The following ERC2 variants were observed in gnomAD, a reference collection of about 807,000 sequenced individuals.
ERC2 encodes the protein ERC protein 2.
A neutral mutation model predicts 114.8 loss-of-function variants in ERC2; 42 were observed. That is an observed-to-expected ratio of 0.37 (90% CI 0.29 to 0.47). The LOEUF is 0.47. Among genes scored for constraint, ERC2 ranks in the 20% least tolerant of loss-of-function variants. The pLI, the probability that ERC2 is intolerant of heterozygous loss-of-function variation, is 0.99. For missense variants in ERC2, 939 were observed against 1,150.7 expected (o/e 0.82, Z 2.66); for synonymous variants, 454 against 425.5 (o/e 1.07, Z -0.82).
intron 17 of ERC2, among the ~76,000 whole-genome samples, chr3:55,533,625 T>G (rs575210464): frequency 1.8e-4 from 28 of 152,112 alleles, no homozygotes; most frequent in Middle Eastern, 3.4e-3. Context: ...GTGAGGGCAG[T>G]GGGTAGGAGA....
intron 6 of ERC2, among the ~76,000 whole-genome samples, chr3:56,093,603 A>G (rs1173558871): frequency 6.6e-6 from 1 of 152,202 alleles, no homozygotes; most frequent in Non-Finnish European, 1.5e-5. Flanking sequence ...TCATGCGTGG[A>G]AAACACTATC....
chr3:55,774,109 T>C (rs1211817222), intron 14 of ERC2, among the ~76,000 whole-genome samples: 1 of 152,078 alleles, frequency 6.6e-6, no homozygotes, highest in Non-Finnish European at 1.5e-5. Flanking sequence ...GCACCCTCAT[T>C]CAACACACAC....
intron 2 of ERC2, among the ~76,000 whole-genome samples, chr3:56,382,971 A>G (rs907654027): frequency 1.3e-5 from 2 of 152,106 alleles, no homozygotes; most frequent in African/African-American, 4.8e-5. Flanking sequence ...GTAAATGACA[A>G]CTGCATCCTA....
chr3:56,081,790 T>C (rs1474171661), intron 6 of ERC2, among the ~76,000 whole-genome samples: 1 of 151,960 alleles, frequency 6.6e-6, no homozygotes, highest in Non-Finnish European at 1.5e-5. Context: ...AAAAAAGAAA[T>C]GAGACAACAA....
chr3:55,812,024 C>T (rs914124714), intron 14 of ERC2, among the ~76,000 whole-genome samples: 14 of 152,158 alleles, frequency 9.2e-5, no homozygotes, highest in African/African-American at 3.4e-4. Context: ...CCCTGCCCAC[C>T]CCACAGGCCC....
chr3:56,080,785 C>T (rs1351034371), intron 7 of ERC2, 32 bp downstream of exon 7: 2 of 1,598,754 alleles, frequency 1.3e-6, no homozygotes, highest in Admixed American at 3.5e-5. Flanking sequence ...ATGGATGATA[C>T]CCCACTTGAA....
chr3:55,648,054 A>G (rs1411360750), intron 17 of ERC2, among the ~76,000 whole-genome samples: 1 of 152,224 alleles, frequency 6.6e-6, no homozygotes, highest in Non-Finnish European at 1.5e-5. Flanking sequence ...TGGGGCCATA[A>G]GAAGGAGGCA....
chr3:56,166,587 C>A (rs975026096), intron 4 of ERC2, among the ~76,000 whole-genome samples: 36 of 152,110 alleles, frequency 2.4e-4, no homozygotes, highest in African/African-American at 8.7e-4. Context: ...ACATATAAGA[C>A]TACTCAGATA....
At chr3:56,056,851 G>T (rs2149697409) in intron 7 of ERC2, among the ~76,000 whole-genome samples, 1 of 152,172 alleles carries the variant, frequency 6.6e-6, no homozygotes, top group East Asian at 1.9e-4. Flanking sequence ...TTTTAAAAAA[G>T]GATTCATTAG....
intron 15 of ERC2, among the ~76,000 whole-genome samples, chr3:55,706,378 T>A (rs1413578440): frequency 2.0e-4 from 7 of 35,158 alleles, no homozygotes; most frequent in Admixed American, 1.5e-3. Context: ...TTGTTTCTGT[T>A]TTTTTTTGTT....
At chr3:56,003,599 G>T (rs1372432946) in intron 10 of ERC2, among the ~76,000 whole-genome samples, 1 of 151,834 alleles carries the variant, frequency 6.6e-6, no homozygotes, top group Non-Finnish European at 1.5e-5. Context: ...TTTTCTATTC[G>T]GTCTATCTTC....
intron 5 of ERC2, among the ~76,000 whole-genome samples, chr3:56,143,625 T>C (rs2080987417): frequency 6.6e-6 from 1 of 152,212 alleles, no homozygotes; most frequent in Non-Finnish European, 1.5e-5. Context: ...TGTGAGTTCA[T>C]TAAACCTCTT....
intron 17 of ERC2, among the ~76,000 whole-genome samples, chr3:55,669,211 G>A (rs977016736): frequency 5.9e-5 from 9 of 152,174 alleles, no homozygotes; most frequent in Non-Finnish European, 8.8e-5. Flanking sequence ...CCTTTGGCTC[G>A]GAAGTTTGCA....
At chr3:55,974,445 G>A in intron 12 of ERC2, among the ~76,000 whole-genome samples, 1 of 152,140 alleles carries the variant, frequency 6.6e-6, no homozygotes, top group Non-Finnish European at 1.5e-5. Flanking sequence ...TCAAAACAAA[G>A]GCCTTCATTT....
chr3:55,883,176 C>T (rs887861142), intron 14 of ERC2, among the ~76,000 whole-genome samples: 2 of 152,164 alleles, frequency 1.3e-5, no homozygotes, highest in Admixed American at 1.3e-4. Context: ...TGAGTGCCTA[C>T]CATGTGACAG....
At chr3:55,889,603 T>C (rs777548727) in intron 13 of ERC2, among the ~76,000 whole-genome samples, 2 of 152,092 alleles carry the variant, frequency 1.3e-5, no homozygotes, top group Non-Finnish European at 2.9e-5. Flanking sequence ...GTGTTTATGG[T>C]TCCGTTCCAA....
intron 3 of ERC2, among the ~76,000 whole-genome samples, chr3:56,291,964 G>A (rs562550376): frequency 6.6e-6 from 1 of 152,130 alleles, no homozygotes; most frequent in Non-Finnish European, 1.5e-5. Flanking sequence ...ACAACCATTT[G>A]TATATTATTA....
intron 2 of ERC2, among the ~76,000 whole-genome samples, chr3:56,323,165 A>C (rs907014270): frequency 1.3e-5 from 2 of 152,196 alleles, no homozygotes. Context: ...ACTTCTTTAT[A>C]AATTTCCCAG....
rs1559689263 is a variant in ERC2 at position 55,808,725 on chromosome 3, AT to A, written c.2565-73808del. 3.0e-3 allele frequency among the ~76,000 whole-genome samples: 379 copies of A among 125,680 alleles called. 7 individuals are homozygous for A. Among genetic ancestry groups the A allele is most frequent in the African/African-American group, 0.01 (302 of 29,792 alleles). The allele number at this position is 125,680 out of a possible 152,430, so 82.5% of individuals were successfully genotyped here. On this transcript the variant is annotated intron_variant, in intron 14 of 17. Transcript: ENST00000288221. Reference sequence around the variant, plus strand: ...TTTATATATATATATATATATATATATATATATATATATATATAACGTATAA... The same window carrying A: ...TTTATATATATATATATATATATATAATATATATATATATATAACGTATAA...
Sources: allele counts gnomAD v4.1 joint callset (sites outside exome capture counted in the v4.1 genomes callset), GRCh38; gene constraint gnomAD v4.1.1; transcripts MANE v1.5; gene names NCBI Gene and HGNC (gene_info 2026-07-23, HGNC 2026-07-21).